PTPRN2: variants seen among roughly 807,000 people sequenced by gnomAD.
PTPRN2 encodes the protein protein tyrosine phosphatase receptor type N2, also known as receptor-type tyrosine-protein phosphatase N2.
PTPRN2 carries 74 observed loss-of-function variants against 118.8 expected under a neutral mutation model. That is an observed-to-expected ratio of 0.62 (90% CI 0.52 to 0.76). The LOEUF (loss-of-function observed/expected upper bound fraction) is 0.76. PTPRN2 is among the 30% of genes least tolerant of loss of function. The pLI is 0.00. For missense variants in PTPRN2, 1,481 were observed against 1,394.4 expected (o/e 1.06, Z -0.99); for synonymous variants, 641 against 608.0 (o/e 1.05, Z -0.80).
At chr7:158,359,416 C>G (rs1187356912) in intron 2 of PTPRN2, among the ~76,000 whole-genome samples, 1 of 152,230 alleles carries the variant, frequency 6.6e-6, no homozygotes, top group African/African-American at 2.4e-5. Context: ...AAAGGTGGTC[C>G]TCAGTGCCAC....
intron 1 of PTPRN2, among the ~76,000 whole-genome samples, chr7:158,562,881 C>T (rs1048922665): frequency 6.2e-4 from 94 of 152,332 alleles, no homozygotes; most frequent in African/African-American, 2.1e-3. Context: ...AACTAAACAA[C>T]AAAGCCTTCA....
chr7:157,945,865 C>T (rs906326310), intron 11 of PTPRN2, among the ~76,000 whole-genome samples: 20 of 152,070 alleles, frequency 1.3e-4, no homozygotes, highest in South Asian at 2.1e-4. Flanking sequence ...TCCCATCAGA[C>T]GACGGGTCAC....
intron 2 of PTPRN2, among the ~76,000 whole-genome samples, chr7:158,352,566 C>A (rs991377649): frequency 6.6e-6 from 1 of 152,178 alleles, no homozygotes. Context: ...TTCTTATTGC[C>A]CCCTGAAGGT....
intron 6 of PTPRN2, among the ~76,000 whole-genome samples, chr7:158,139,336 A>G (rs758081804): frequency 6.6e-6 from 1 of 152,192 alleles, no homozygotes; most frequent in South Asian, 2.1e-4. Flanking sequence ...GAAATTTAAA[A>G]TTTATGTCCA....
chr7:157,765,454 C>T (rs1802399487), intron 12 of PTPRN2, among the ~76,000 whole-genome samples: 1 of 150,484 alleles, frequency 6.6e-6, no homozygotes, highest in South Asian at 2.1e-4. Context: ...CACCCTTCAC[C>T]CATCCATCCA....
intron 12 of PTPRN2, among the ~76,000 whole-genome samples, chr7:157,774,983 C>T (rs1209587042): frequency 6.6e-6 from 1 of 152,158 alleles, no homozygotes; most frequent in African/African-American, 2.4e-5. Context: ...AGAACAGTGA[C>T]ACAATGAAAG....
chr7:157,644,810 A>AAC, intron 14 of PTPRN2, among the ~76,000 whole-genome samples: 1 of 130,610 alleles, frequency 7.7e-6, no homozygotes, highest in Non-Finnish European at 1.8e-5. Flanking sequence ...AACAAAAAAA[A>AAC]AAAAACAAAA....
At chr7:158,540,182 C>A (rs1825902817) in intron 1 of PTPRN2, among the ~76,000 whole-genome samples, 1 of 152,214 alleles carries the variant, frequency 6.6e-6, no homozygotes, top group African/African-American at 2.4e-5. Context: ...CCAAGGGCCT[C>A]ACTCTGCATT....
At chr7:158,150,978 T>A (rs1820971693) in intron 6 of PTPRN2, among the ~76,000 whole-genome samples, 1 of 151,804 alleles carries the variant, frequency 6.6e-6, no homozygotes, top group Non-Finnish European at 1.5e-5. Context: ...TACAGCAATG[T>A]CTGTTCCTCT....
In PTPRN2 at chr7:157,587,785, C is replaced by T. The variant is rs1800760207; in HGVS notation, c.2496+7453G>A. Reference sequence around the variant, plus strand: ...ATCAGACAGGAGAGGCAAGGCTGAACTTTGGAGTTGTCCTCTTGGCTGAGC... The same window carrying T: ...ATCAGACAGGAGAGGCAAGGCTGAATTTTGGAGTTGTCCTCTTGGCTGAGC... On this transcript the variant is annotated intron_variant, in intron 17 of 22. Transcript: ENST00000389418. The surrounding 1 kb of genome is among the most constrained non-coding windows in gnomAD (Gnocchi z 5.3). Among the ~76,000 whole-genome samples the T allele has an allele frequency of 6.6e-6, 1 of 152,218 alleles. No individual in the cohort carries two copies.
intron 12 of PTPRN2, chr7:157,863,333 CT>C (rs1810383697): frequency 6.6e-6 from 1 of 152,272 alleles, no homozygotes; most frequent in African/African-American, 2.4e-5. Context: ...AGCCAGTGGG[CT>C]GCCCAATGCC....
Position 157,765,510 on chromosome 7 carries a change from CTCCA to C in PTPRN2, c.1789-82577_1789-82574del, listed in dbSNP as rs552102817. ...ACACCCACCCATCCATCCATCCTTCCTCCATCCATTCACCCACCCATCCATCATC... is the reference window on the plus strand; with the variant it reads ...ACACCCACCCATCCATCCATCCTTCCTCCATTCACCCACCCATCCATCATC... On this transcript the variant is annotated intron_variant, in intron 12 of 22. Coordinates refer to ENST00000389418, the MANE Select transcript of PTPRN2 (RefSeq NM_002847.5). Among the ~76,000 whole-genome samples, 289 of 141,848 alleles carry C rather than the reference CTCCA, an allele frequency of 2.0e-3. 2 individuals carry two copies. Among genetic ancestry groups the C allele is most frequent in the African/African-American group, 6.7e-3 (255 of 37,974 alleles). 93.1% of individuals were successfully genotyped at this position (141,848 alleles called of 152,430 possible).
At chr7:158,581,138 A>G (rs1394694733) in intron 1 of PTPRN2, among the ~76,000 whole-genome samples, 2 of 152,204 alleles carry the variant, frequency 1.3e-5, no homozygotes, top group Non-Finnish European at 2.9e-5. Flanking sequence ...ATGTTCTGAC[A>G]GCGTGTAGAA....
At chr7:157,730,139 C>T (rs1259710703) in intron 12 of PTPRN2, among the ~76,000 whole-genome samples, 1 of 152,030 alleles carries the variant, frequency 6.6e-6, no homozygotes, top group Admixed American at 6.5e-5. Flanking sequence ...ATTCTGGGTT[C>T]TGAGACCCCT....
intron 6 of PTPRN2, among the ~76,000 whole-genome samples, chr7:158,146,986 C>A (rs1820142387): frequency 1.0e-5 from 1 of 95,900 alleles, no homozygotes; most frequent in Admixed American, 1.1e-4. Context: ...GTGTCTTTCC[C>A]CCTCAATGAC....
intron 11 of PTPRN2, among the ~76,000 whole-genome samples, chr7:157,969,139 T>G (rs1156796344): frequency 6.6e-6 from 1 of 151,648 alleles, no homozygotes; most frequent in Non-Finnish European, 1.5e-5. Flanking sequence ...TTTTTTCATC[T>G]TGCTCTGTCA....
intron 12 of PTPRN2, among the ~76,000 whole-genome samples, chr7:157,846,519 G>A (rs533571861): frequency 2.6e-5 from 4 of 152,020 alleles, no homozygotes; most frequent in Admixed American, 2.6e-4. Flanking sequence ...GGGCCGGAAC[G>A]GAGGGGGAAC....
At chr7:158,076,042 G>A (rs907064239) in intron 11 of PTPRN2, among the ~76,000 whole-genome samples, 1 of 152,250 alleles carries the variant, frequency 6.6e-6, no homozygotes, top group Non-Finnish European at 1.5e-5. Context: ...GACCCTTGAG[G>A]AGAGTGCAGG....
At chr7:157,552,739 G>A (rs181609948) in intron 21 of PTPRN2, among the ~76,000 whole-genome samples, 5 of 152,330 alleles carry the variant, frequency 3.3e-5, no homozygotes, top group East Asian at 3.9e-4. Flanking sequence ...GCCGACAGAC[G>A]TCGAGTTGTG....
Sources: gnomAD v4.1 joint callset for allele counts (sites outside exome capture counted in the v4.1 genomes callset) on GRCh38, gnomAD v4.1.1 for gene constraint, Gnocchi (gnomAD v3.1) non-coding constraint, MANE v1.5 for transcripts, NCBI Gene and HGNC (gene_info 2026-07-23, HGNC 2026-07-21) for gene names.